DOCK8: variants seen among roughly 807,000 people sequenced by gnomAD.
DOCK8 encodes dedicator of cytokinesis 8.
DOCK8 carries 141 observed loss-of-function variants against 245.6 expected under a neutral mutation model. That is an observed-to-expected ratio of 0.57 (90% CI 0.50 to 0.66). The LOEUF (loss-of-function observed/expected upper bound fraction) is 0.66. Ranked by LOEUF, DOCK8 falls within the 30% of genes least tolerant of loss-of-function variation. DOCK8 has a pLI of 0.00. For missense variants in DOCK8, 2,965 were observed against 2,603.4 expected (o/e 1.14, Z -3.02); for synonymous variants, 1,168 against 970.2 (o/e 1.20, Z -3.79).
rs1225519888 is a variant in DOCK8 at position 465,210 on chromosome 9, G to A, written c.*991G>A. On this transcript the variant is annotated 3_prime_UTR_variant, in exon 48 of 48. Coordinates refer to ENST00000432829, the MANE Select transcript of DOCK8 (RefSeq NM_203447.4). ...TAAATTATATATTTTTAATATGACTGTGACCTTGACTGATAATAAAGATGT... is the reference window on the plus strand; with the variant it reads ...TAAATTATATATTTTTAATATGACTATGACCTTGACTGATAATAAAGATGT... 1 of 152,618 alleles carries A rather than the reference G, an allele frequency of 6.6e-6. No individual in the cohort carries two copies. The highest frequency in any genetic ancestry group is 1.5e-5 in the Non-Finnish European group (1 of 68,036). The allele number at this position is 152,618 out of a possible 1,614,324, so 9.5% of individuals were successfully genotyped here.
intron 2 of DOCK8, among the ~76,000 whole-genome samples, chr9:279,645 T>TCA (rs2048497406): frequency 1.3e-5 from 2 of 152,216 alleles, no homozygotes; most frequent in Non-Finnish European, 2.9e-5. Context: ...AGTGAACAAC[T>TCA]GTGTCCAATA....
At chr9:256,180 A>G (rs2047769766) in intron 1 of DOCK8, among the ~76,000 whole-genome samples, 1 of 152,218 alleles carries the variant, frequency 6.6e-6, no homozygotes, top group Admixed American at 6.5e-5. Flanking sequence ...GATCACAAGA[A>G]CGAGGCTCTT....
chr9:375,288 C>T (rs898276873), intron 18 of DOCK8, among the ~76,000 whole-genome samples: 3 of 152,148 alleles, frequency 2.0e-5, no homozygotes, highest in African/African-American at 7.2e-5. Flanking sequence ...TGCAGGACAT[C>T]TCTAAAGGAA....
chr9:438,153 C>A (rs888898952), intron 39 of DOCK8, among the ~76,000 whole-genome samples: 6 of 152,220 alleles, frequency 3.9e-5, no homozygotes, highest in Non-Finnish European at 5.9e-5. Context: ...TCTATGACAA[C>A]TATGTCCTGA....
At chr9:274,488 T>C (rs2048268871) in intron 2 of DOCK8, among the ~76,000 whole-genome samples, 1 of 134,806 alleles carries the variant, frequency 7.4e-6, no homozygotes, top group African/African-American at 2.6e-5. Context: ...TTTCTTTCTT[T>C]TCTTTTTTTT....
intron 7 of DOCK8, among the ~76,000 whole-genome samples, chr9:324,398 C>T (rs1483146636): frequency 6.6e-6 from 1 of 152,126 alleles, no homozygotes; most frequent in Non-Finnish European, 1.5e-5. Flanking sequence ...TCCTGGTGCT[C>T]TCTGCAGGTA....
chr9:365,167 T>C (rs2052921845), intron 14 of DOCK8, among the ~76,000 whole-genome samples: 2 of 152,236 alleles, frequency 1.3e-5, no homozygotes, highest in South Asian at 2.1e-4. Flanking sequence ...TAATTTATTT[T>C]ACATTTTTGA....
At chr9:282,373 A>C (rs1323704713) in intron 2 of DOCK8, among the ~76,000 whole-genome samples, 2 of 150,150 alleles carry the variant, frequency 1.3e-5, no homozygotes, top group Non-Finnish European at 3.0e-5. Context: ...TGTGGCTTTG[A>C]ATTTCAGGGA....
chr9:295,906 C>A (rs568600735), intron 4 of DOCK8, among the ~76,000 whole-genome samples: 14 of 151,990 alleles, frequency 9.2e-5, no homozygotes, highest in Non-Finnish European at 1.6e-4. Context: ...ATAATGCTGC[C>A]CATGAAGGAT....
chr9:338,474 A>T (rs143737499), intron 12 of DOCK8, among the ~76,000 whole-genome samples: 2 of 152,176 alleles, frequency 1.3e-5, no homozygotes, highest in African/African-American at 4.8e-5. Flanking sequence ...GGAATAAGAC[A>T]TATCTACCCA....
chr9:434,049 G>GT, intron 38 of DOCK8, 74 bp downstream of exon 38: 1 of 1,044,100 alleles, frequency 9.6e-7, no homozygotes, highest in South Asian at 1.3e-5. Flanking sequence ...TCTTACTAAT[G>GT]TAATGATCAC....
intron 1 of DOCK8, among the ~76,000 whole-genome samples, chr9:242,641 A>C (rs2047401965): frequency 6.6e-6 from 1 of 152,182 alleles, no homozygotes; most frequent in African/African-American, 2.4e-5. Context: ...ACGGTTATGC[A>C]GTATGTGAGG....
intron 1 of DOCK8, among the ~76,000 whole-genome samples, chr9:235,263 G>A (rs928826419): frequency 9.2e-5 from 14 of 152,148 alleles, no homozygotes; most frequent in African/African-American, 2.7e-4. Context: ...TGGAAGTTTT[G>A]TGTCAGAGGA....
intron 20 of DOCK8, among the ~76,000 whole-genome samples, chr9:377,749 C>G (rs1296180373): frequency 6.6e-6 from 1 of 152,188 alleles, no homozygotes; most frequent in Non-Finnish European, 1.5e-5. Context: ...AAATAAAACC[C>G]CATCACTCCC....
chr9:214,454 T>C (rs77382222), upstream of DOCK8: 2 of 1,418,982 alleles, frequency 1.4e-6, no homozygotes, highest in Non-Finnish European at 1.9e-6. Context: ...CTTTTTTGTC[T>C]TTTTTTTTGG....
intron 29 of DOCK8, among the ~76,000 whole-genome samples, chr9:417,709 A>G (rs1014372719): frequency 7.9e-5 from 12 of 152,248 alleles, no homozygotes; most frequent in Admixed American, 4.6e-4. Flanking sequence ...TATATAAGGT[A>G]GTTGCTTAAT....
At position 432,334 on chromosome 9, in the gene DOCK8, A is replaced by G. The variant is rs1225188819; in HGVS notation, c.4785+10A>G. On this transcript the variant is annotated intron_variant, in intron 37 of 47. Coordinates refer to ENST00000432829, the MANE Select transcript of DOCK8 (RefSeq NM_203447.4). Reference sequence around the variant, plus strand: ...TCCTTTTCCCACCCAGGTACACCGAAGCACATACCTTGTCTCATGCATGAG... The same window carrying G: ...TCCTTTTCCCACCCAGGTACACCGAGGCACATACCTTGTCTCATGCATGAG... The G allele has an allele frequency of 8.7e-6, 14 of 1,613,880 alleles. No homozygotes were observed. Among genetic ancestry groups the G allele is most frequent in the Non-Finnish European group, 1.2e-5 (14 of 1,179,926 alleles).
intron 14 of DOCK8, among the ~76,000 whole-genome samples, chr9:351,466 A>G (rs1222029796): frequency 6.6e-6 from 1 of 152,224 alleles, no homozygotes; most frequent in Non-Finnish European, 1.5e-5. Flanking sequence ...AGATGCCACA[A>G]AGCTGTGATT....
At chr9:408,256 C>T (rs1335498799) in intron 28 of DOCK8, among the ~76,000 whole-genome samples, 1 of 152,160 alleles carries the variant, frequency 6.6e-6, no homozygotes, top group African/African-American at 2.4e-5. Context: ...ACATCGAGTT[C>T]GTGCAACTGC....
Sources: gnomAD v4.1 joint callset for allele counts (sites outside exome capture counted in the v4.1 genomes callset) on GRCh38, gnomAD v4.1.1 for gene constraint, MANE v1.5 for transcripts, NCBI Gene and HGNC (gene_info 2026-07-23, HGNC 2026-07-21) for gene names.